Variants in PPP2R5A observed in about 807,000 individuals in gnomAD.
The protein encoded by PPP2R5A is serine/threonine-protein phosphatase 2A 56 kDa regulatory subunit alpha isoform.
In PPP2R5A, 25 loss-of-function variants were observed where a neutral mutation model predicts 64.2. The observed-to-expected ratio is 0.39, with a 90% confidence interval of 0.28 to 0.54. The LOEUF (loss-of-function observed/expected upper bound fraction) is 0.54, where lower values mean the gene tolerates loss of function less well. PPP2R5A is among the 20% of genes least tolerant of loss of function. The probability of loss-of-function intolerance (pLI) is 0.67; values close to 1 mark genes in which losing one functional copy is unlikely to be tolerated. For missense variants in PPP2R5A, 425 were observed against 576.3 expected, an observed-to-expected ratio of 0.74 and a Z score of 2.69; for synonymous variants, 198 against 201.2, an observed-to-expected ratio of 0.98 and a Z score of 0.13.
At chr1:212,330,616 G>C (rs1571598258) in intron 2 of PPP2R5A, among the ~76,000 whole-genome samples, 1 of 151,462 alleles carries the variant, frequency 6.6e-6, no homozygotes, top group Non-Finnish European at 1.5e-5. Context: ...TTTAAACTTA[G>C]AGTATTGAAG....
chr1:212,306,948 G>GAC (rs1658926232), intron 1 of PPP2R5A: 1 of 151,960 alleles, frequency 6.6e-6, no homozygotes, highest in Non-Finnish European at 1.5e-5. Flanking sequence ...TTTTAGTAGA[G>GAC]ACAGGGTTTC....
chr1:212,306,894 C>CT (rs1258680231), intron 1 of PPP2R5A: 2 of 151,956 alleles, frequency 1.3e-5, no homozygotes, highest in African/African-American at 4.8e-5. Context: ...AGTAGCTGGG[C>CT]TTACAGGTAC....
chr1:212,326,933 A>G (rs1659416725), intron 1 of PPP2R5A, among the ~76,000 whole-genome samples: 1 of 152,254 alleles, frequency 6.6e-6, no homozygotes, highest in Non-Finnish European at 1.5e-5. Flanking sequence ...GATCAATGAA[A>G]AGAATGTGCC....
chr1:212,358,863 C>A, intron 12 of PPP2R5A, 76 bp downstream of exon 12: 2 of 1,157,818 alleles, frequency 1.7e-6, no homozygotes, highest in Non-Finnish European at 2.5e-6. Flanking sequence ...AGGAAGGTAT[C>A]TTCTCTCAGT....
chr1:212,343,158 G>T (rs945467042), intron 4 of PPP2R5A, among the ~76,000 whole-genome samples: 1 of 151,776 alleles, frequency 6.6e-6, no homozygotes, highest in African/African-American at 2.4e-5. Flanking sequence ...TCACCACATT[G>T]GCCAGGCTGG....
At chr1:212,353,090 T>C in intron 8 of PPP2R5A, 1 of 406,550 alleles carries the variant, frequency 2.5e-6, no homozygotes, top group South Asian at 1.8e-5. Context: ...GAGTCTCATA[T>C]AAAGTGTCAG....
chr1:212,320,441 G>A (rs536731577), intron 1 of PPP2R5A, among the ~76,000 whole-genome samples: 2,162 of 152,172 alleles, frequency 0.014, 48 homozygotes, highest in African/African-American at 0.048. Context: ...ATCATGGCCC[G>A]TTCTCAATGA....
intron 8 of PPP2R5A, among the ~76,000 whole-genome samples, chr1:212,351,983 ATATTTTATTTTAT>A (rs1421078550): frequency 3.3e-5 from 5 of 149,612 alleles, no homozygotes; most frequent in Admixed American, 1.3e-4. Flanking sequence ...ATTTTATTTT[ATATTTTATTTTAT>A]TATTTTATTT....
intron 1 of PPP2R5A, among the ~76,000 whole-genome samples, chr1:212,310,807 C>G (rs1414711196): frequency 6.6e-6 from 1 of 152,166 alleles, no homozygotes; most frequent in Non-Finnish European, 1.5e-5. Context: ...TTGTCTAGAA[C>G]TTATCCTCAG....
intron 1 of PPP2R5A, among the ~76,000 whole-genome samples, chr1:212,307,975 T>G (rs1285271642): frequency 6.6e-6 from 1 of 152,002 alleles, no homozygotes; most frequent in Non-Finnish European, 1.5e-5. Flanking sequence ...CTCCAAGAAG[T>G]TATCTTCTTG....
chr1:212,337,277 T>G (rs1659607106), intron 3 of PPP2R5A, among the ~76,000 whole-genome samples: 1 of 152,166 alleles, frequency 6.6e-6, no homozygotes, highest in African/African-American at 2.4e-5. Context: ...TTTTAGATAA[T>G]TAGGACACTT....
intron 6 of PPP2R5A, 40 bp downstream of exon 6, chr1:212,347,446 G>C: frequency 1.4e-6 from 2 of 1,435,126 alleles, no homozygotes; most frequent in East Asian, 2.3e-5. Context: ...AATTAAGTAA[G>C]TGAATGTTTT....
chr1:212,348,190 A>G (rs892048321), intron 6 of PPP2R5A, among the ~76,000 whole-genome samples, 199 bp from the exon 7 acceptor site: 5 of 152,188 alleles, frequency 3.3e-5, no homozygotes, highest in Admixed American at 1.3e-4. Flanking sequence ...TGACAGTCCT[A>G]ATTTTCTTTT....
intron 2 of PPP2R5A, among the ~76,000 whole-genome samples, 160 bp downstream of exon 2, chr1:212,329,491 G>A (rs1445351825): frequency 2.0e-5 from 3 of 152,068 alleles, no homozygotes; most frequent in Non-Finnish European, 2.9e-5. Flanking sequence ...TACCATCATT[G>A]CATATACAAG....
chr1:212,301,102 C>T (rs1299910579), intron 1 of PPP2R5A, among the ~76,000 whole-genome samples: 1 of 152,172 alleles, frequency 6.6e-6, no homozygotes, highest in Non-Finnish European at 1.5e-5. Context: ...ACTTCTGCCT[C>T]CTGGTTCAAG....
At chr1:212,310,150 T>G (rs1163152801) in intron 1 of PPP2R5A, among the ~76,000 whole-genome samples, 1 of 152,208 alleles carries the variant, frequency 6.6e-6, no homozygotes, top group Non-Finnish European at 1.5e-5. Flanking sequence ...TTCAGCTGAT[T>G]GCTCAATTGT....
intron 1 of PPP2R5A, among the ~76,000 whole-genome samples, chr1:212,328,350 C>T (rs559161246): frequency 6.6e-6 from 1 of 152,008 alleles, no homozygotes; most frequent in African/African-American, 2.4e-5. Flanking sequence ...AAGGGACTTA[C>T]GCTGAAACTT....
chr1:212,288,837 A>G lies in PPP2R5A; in HGVS notation c.181+2546A>G, dbSNP rs192810091. On this transcript the variant is annotated intron_variant, in intron 1 of 12. Transcript: ENST00000261461. ...AGTGATTCAGATATCCATGGACTCC[A>G]AGATCTTTTAAGTTTCATACCAGCC... Among the ~76,000 whole-genome samples the G allele has an allele frequency of 6.1e-4, 90 of 146,828 alleles. 1 individual carries two copies. Among genetic ancestry groups the G allele is most frequent in the Non-Finnish European group, 4.0e-4 (27 of 67,092 alleles).
At position 212,308,782 on chromosome 1, in the gene PPP2R5A, C is replaced by A. The variant is rs191526683; in HGVS notation, c.182-20353C>A. 2.2e-4 allele frequency among the ~76,000 whole-genome samples: 33 copies of A among 152,138 alleles called. No homozygotes were observed. In the East Asian group the frequency reaches 4.8e-3, roughly 22 times the overall value. ...TATTTTTCTTCATTCTTTTTTCTTT[C>A]TGTTCTTCAGATTGCATAATTTCTG... On this transcript the variant is annotated intron_variant, in intron 1 of 12. Coordinates refer to ENST00000261461, the MANE Select transcript of PPP2R5A (RefSeq NM_006243.4).
Sources: gnomAD v4.1 joint callset for allele counts (sites outside exome capture counted in the v4.1 genomes callset) on GRCh38, gnomAD v4.1.1 for gene constraint, MANE v1.5 for transcripts, NCBI Gene and HGNC (gene_info 2026-07-23, HGNC 2026-07-21) for gene names.